LRRTM3: variants seen among roughly 807,000 people sequenced by gnomAD.
The protein encoded by LRRTM3 is leucine-rich repeat transmembrane neuronal protein 3.
Under a neutral mutation model 44.7 loss-of-function variants are expected in LRRTM3, and 24 were observed. The observed-to-expected ratio is 0.54, with a 90% confidence interval of 0.39 to 0.76. LRRTM3 has a LOEUF of 0.76. Among genes scored for constraint, LRRTM3 ranks in the 30% least tolerant of loss-of-function variants. LRRTM3 has a pLI of 0.00. For missense variants in LRRTM3, 587 were observed against 702.2 expected (o/e 0.84, Z 1.85); for synonymous variants, 277 against 278.7 (o/e 0.99, Z 0.06).
Position 66,926,435 on chromosome 10 carries a change from A to T in LRRTM3, c.-149A>T. ...GTGGCTGGCAAAGAATAATGTTCCA[A>T]AATCGGTCCATCTCCCAAGGGGTCC... On this transcript the variant is annotated 5_prime_UTR_variant, in exon 1 of 3. The change creates a premature stop within an existing upstream ORF in the 5' untranslated region. Coordinates refer to ENST00000361320, the MANE Select transcript of LRRTM3 (RefSeq NM_178011.5). The T allele has an allele frequency of 1.3e-6, 1 of 776,206 alleles. No homozygotes were observed. The highest frequency in any genetic ancestry group is 2.2e-6 in the Non-Finnish European group (1 of 450,956). The allele number at this position is 776,206 out of a possible 1,614,324, so 48.1% of individuals were successfully genotyped here.
intron 2 of LRRTM3, among the ~76,000 whole-genome samples, chr10:66,931,796 T>C (rs1847411498): frequency 6.6e-6 from 1 of 152,110 alleles, no homozygotes. Flanking sequence ...GAAATAAGTG[T>C]CCAAGATGAA....
At chr10:67,030,809 T>C (rs1288393620) in intron 2 of LRRTM3, among the ~76,000 whole-genome samples, 1 of 151,986 alleles carries the variant, frequency 6.6e-6, no homozygotes, top group Non-Finnish European at 1.5e-5. Flanking sequence ...TTTGAGATCA[T>C]CCTTACCAAC....
chr10:67,095,180 T>C (rs989279033), intron 2 of LRRTM3, among the ~76,000 whole-genome samples: 1 of 151,772 alleles, frequency 6.6e-6, no homozygotes, highest in Admixed American at 6.6e-5. Flanking sequence ...CAGATATGGC[T>C]AGCTGTTACA....
At position 66,930,271 on chromosome 10, in the gene LRRTM3, T is replaced by C. The variant is rs916957154; in HGVS notation, c.1536+1819T>C. The stretch of plus-strand genomic sequence containing the variant: ...TCAGAAAAACATCTTAGTTACAATG[T>C]TTACCCATGAATAATTGTTGAATAT... On this transcript the variant is annotated intron_variant, in intron 2 of 2. Coordinates refer to ENST00000361320, the MANE Select transcript of LRRTM3 (RefSeq NM_178011.5). Among the ~76,000 whole-genome samples the C allele has an allele frequency of 1.4e-4, 21 of 152,218 alleles. 1 individual carries two copies. Among genetic ancestry groups the C allele is most frequent in the Admixed American group, 1.4e-3 (21 of 15,284 alleles).
chr10:66,990,770 T>C lies in LRRTM3; in HGVS notation c.1536+62318T>C, dbSNP rs188555959. Among the ~76,000 whole-genome samples the C allele has an allele frequency of 1.9e-4, 29 of 152,286 alleles. No individual in the cohort carries two copies. In the East Asian group the frequency reaches 3.3e-3, roughly 17 times the overall value. On this transcript the variant is annotated intron_variant, in intron 2 of 2. Transcript: ENST00000361320. ...TTTATGTCTCACTACTTGATAATGTTCATAAATTGAATTATGTAACCAAAA... is the reference window on the plus strand; with the variant it reads ...TTTATGTCTCACTACTTGATAATGTCCATAAATTGAATTATGTAACCAAAA...
chr10:66,964,740 A>G (rs1849306573), intron 2 of LRRTM3, among the ~76,000 whole-genome samples: 3 of 152,118 alleles, frequency 2.0e-5, no homozygotes. Context: ...CCCTCCCTAA[A>G]ACTGATAAGG....
In LRRTM3 at chr10:66,927,959, G is replaced by A; in HGVS notation, c.1043G>A (p.Gly348Glu). ...IICASPKELQGVNVIDAVKNY... is the reference protein window; with the variant it reads ...IICASPKELQEVNVIDAVKNY... ...TGTGCCAGTCCCAAAGAGCTGCAAG[G>A]AGTAAATGTGATCGATGCAGTGAAG... The change falls in exon 2 of 3, where the codon GGA becomes GAA. Residue 348 changes from glycine (G) to glutamate (E), a missense_variant. Physicochemically the swap from Gly to Glu is moderately conservative, Grantham distance 98. Coordinates refer to ENST00000361320, the MANE Select transcript of LRRTM3 (RefSeq NM_178011.5). This position sits in a 1 kb window ranked among gnomAD's most constrained non-coding sequence, Gnocchi z 4.7. 1 of 1,614,224 alleles carries A rather than the reference G, an allele frequency of 6.2e-7. No homozygotes were observed. Among genetic ancestry groups the A allele is most frequent in the Non-Finnish European group, 8.5e-7 (1 of 1,180,046 alleles).
intron 2 of LRRTM3, among the ~76,000 whole-genome samples, chr10:67,044,919 A>G (rs1263230810): frequency 6.6e-6 from 1 of 152,174 alleles, no homozygotes; most frequent in Admixed American, 6.5e-5. Context: ...CCCTGGGAAA[A>G]ACGGGGATAA....
chr10:67,003,984 T>C (rs935441234), intron 2 of LRRTM3, among the ~76,000 whole-genome samples: 11 of 152,164 alleles, frequency 7.2e-5, no homozygotes, highest in Non-Finnish European at 1.5e-5. Context: ...AAAGGACTTA[T>C]ATTCTGAAGC....
chr10:67,092,835 T>C (rs1431829244), intron 2 of LRRTM3, among the ~76,000 whole-genome samples: 1 of 152,020 alleles, frequency 6.6e-6, no homozygotes, highest in Non-Finnish European at 1.5e-5. Context: ...GCAAATATCA[T>C]TGATGTCAAG....
chr10:66,945,967 A>G (rs761446380), intron 2 of LRRTM3, among the ~76,000 whole-genome samples: 28 of 152,180 alleles, frequency 1.8e-4, no homozygotes, highest in Non-Finnish European at 4.0e-4. Context: ...AACATCAAAG[A>G]TCATGGATCA....
rs1490640145 is a variant in LRRTM3, at chr10:66,927,779, A to G, written c.863A>G (p.Asn288Ser). Reference sequence around the variant, plus strand: ...CTGCAGCGCCTCAACCTGGATTCCAACAAGCTCACATTTATTGGTCAAGAG... The same window carrying G: ...CTGCAGCGCCTCAACCTGGATTCCAGCAAGCTCACATTTATTGGTCAAGAG... The part of the protein sequence containing the change: ...PNLQRLNLDS[N>S]KLTFIGQEIL... Residue 288 changes from asparagine to serine, a missense_variant, in exon 2 of 3, where the codon AAC becomes AGC. Asn to Ser is a conservative substitution (Grantham distance 46). Transcript: ENST00000361320. The surrounding 1 kb of genome is among the most constrained non-coding windows in gnomAD (Gnocchi z 4.7). The G allele has an allele frequency of 6.2e-7, 1 of 1,614,246 alleles. No homozygotes were observed.
chr10:67,082,038 C>A (rs150877910), intron 2 of LRRTM3, among the ~76,000 whole-genome samples: 3 of 152,110 alleles, frequency 2.0e-5, no homozygotes, highest in Non-Finnish European at 4.4e-5. Context: ...ACCTAGGCTA[C>A]CTTTGTTAGA....
At chr10:66,949,090 T>A (rs1442477368) in intron 2 of LRRTM3, among the ~76,000 whole-genome samples, 1 of 152,228 alleles carries the variant, frequency 6.6e-6, no homozygotes, top group Non-Finnish European at 1.5e-5. Context: ...ATTTATAATC[T>A]GCATTGATAA....
chr10:66,963,027 A>G (rs558585291), intron 2 of LRRTM3, among the ~76,000 whole-genome samples: 69 of 152,290 alleles, frequency 4.5e-4, no homozygotes, highest in African/African-American at 1.6e-3. Context: ...CAGGAAGTCT[A>G]GCACATTTAT....
intron 2 of LRRTM3, among the ~76,000 whole-genome samples, chr10:66,932,272 C>T (rs551031322): frequency 4.6e-5 from 7 of 152,264 alleles, no homozygotes; most frequent in South Asian, 2.1e-4. Context: ...TTTTAGGATG[C>T]TGTAGGTGCA....
At chr10:66,983,994 A>T (rs1589546071) in intron 2 of LRRTM3, among the ~76,000 whole-genome samples, 1 of 152,160 alleles carries the variant, frequency 6.6e-6, no homozygotes, top group Non-Finnish European at 1.5e-5. Flanking sequence ...GTTGATGATA[A>T]TCGAGGCTTA....
chr10:66,927,275 G>C lies in LRRTM3; in HGVS notation c.359G>C (p.Arg120Thr). The C allele has an allele frequency of 6.2e-7, 1 of 1,614,068 alleles. No individual in the cohort carries two copies. The highest frequency in any genetic ancestry group is 1.1e-5 in the South Asian group (1 of 91,080). ...AAAGAGCTGATTCTTAGTTCCAATA[G>C]AATCTCCTATTTTCTTAACAATACC... ...RLKELILSSN[R>T]ISYFLNNTFR... The change falls in exon 2 of 3, where the codon AGA becomes ACA. Residue 120 changes from arginine (R) to threonine (T), a missense_variant. By Grantham distance (71) the Arg-to-Thr change is moderately conservative. This residue lies in a region of LRRTM3 where 222 missense variants were observed against 323.3 expected (regional missense o/e 0.69). Coordinates refer to ENST00000361320, the MANE Select transcript of LRRTM3 (RefSeq NM_178011.5). The surrounding 1 kb of genome is among the most constrained non-coding windows in gnomAD (Gnocchi z 4.7).
At chr10:67,033,572 A>C (rs1276190500) in intron 2 of LRRTM3, among the ~76,000 whole-genome samples, 2 of 152,338 alleles carry the variant, frequency 1.3e-5, no homozygotes, top group Admixed American at 6.5e-5. Context: ...CATAGTGCCT[A>C]ATATGTGCCG....
Sources: gnomAD v4.1 joint callset for allele counts (sites outside exome capture counted in the v4.1 genomes callset) on GRCh38, gnomAD v4.1.1 for gene constraint, gnomAD v4.1.1 regional missense constraint, Gnocchi (gnomAD v3.1) non-coding constraint, MANE v1.5 for transcripts, NCBI Gene and HGNC (gene_info 2026-07-23, HGNC 2026-07-21) for gene names.